DCAF11: variants seen among roughly 807,000 people sequenced by gnomAD.
DCAF11 encodes DDB1 and CUL4 associated factor 11, also known as DDB1- and CUL4-associated factor 11.
In DCAF11, 44 loss-of-function variants were observed where a neutral mutation model predicts 76.1. The observed-to-expected ratio is 0.58, with a 90% CI of 0.45 to 0.74. The LOEUF is 0.74. Ranked by LOEUF, DCAF11 falls within the 30% of genes least tolerant of loss-of-function variation. The pLI, the probability that DCAF11 is intolerant of heterozygous loss-of-function variation, is 0.00. For synonymous variants in DCAF11, 258 were observed against 255.0 expected (o/e 1.01, Z -0.11); for missense variants, 604 against 709.4 (o/e 0.85, Z 1.69).
rs1240198133 is a variant in DCAF11 at position 24,122,996 on chromosome 14, T to C, written c.1425T>C (p.Ile475=). 2 of 1,614,026 alleles carry C rather than the reference T, an allele frequency of 1.2e-6. No homozygotes were observed. Among genetic ancestry groups the C allele is most frequent in the Non-Finnish European group, 1.7e-6 (2 of 1,180,010 alleles). The stretch of plus-strand genomic sequence containing the variant: ...TGTACGACCTTCTAAGTGGCCACAT[T>C]GTGAAGAAGCTGACCAACCACAAGG... ...VVVYDLLSGH[I]VKKLTNHKAC... Residue 475 remains isoleucine, a synonymous_variant, in exon 14 of 15, where the codon ATT becomes ATC. Coordinates refer to ENST00000446197, the MANE Select transcript of DCAF11 (RefSeq NM_025230.5).
At chr14:24,122,329 C>T (rs1413115257) in intron 13 of DCAF11, among the ~76,000 whole-genome samples, 5 of 151,144 alleles carry the variant, frequency 3.3e-5, no homozygotes, top group African/African-American at 1.2e-4. Flanking sequence ...TGGTGGCAGG[C>T]GCTGGTAATC....
chr14:24,118,668 C>T lies in DCAF11; in HGVS notation c.725-82C>T. On this transcript the variant is annotated intron_variant, in intron 7 of 14. Transcript: ENST00000446197. ...CCAAAGTGCTCCAGTACCCTTGTCC[C>T]CTGTTTGATCTCTTCCCTAGCTTCA... 1.9e-6 allele frequency: 3 copies of T among 1,597,790 alleles called. No homozygotes were observed. The Admixed American group carries it at 5.0e-5, about 27-fold the overall frequency.
intron 13 of DCAF11, 82 bp from the exon 14 acceptor site, chr14:24,122,889 C>T: frequency 1.6e-6 from 2 of 1,271,828 alleles, no homozygotes. Flanking sequence ...AGAGGCAGGT[C>T]AGTGGTGCTA....
chr14:24,122,931 C>A, intron 13 of DCAF11, 40 bp from the exon 14 acceptor site: 1 of 1,585,288 alleles, frequency 6.3e-7, no homozygotes, highest in Non-Finnish European at 8.6e-7. Context: ...GTTTAGATGT[C>A]TTGTGGTGGT....
chr14:24,117,082 T>G lies in DCAF11; in HGVS notation c.283+38T>G. ...GCCCCTAATGTTGGAAGACTTTTAC[T>G]AGAAAACCTTTTAGTGATATTTTGA... On this transcript the variant is annotated intron_variant, in intron 3 of 14. Transcript: ENST00000446197. This position sits in a 1 kb window ranked among gnomAD's most constrained non-coding sequence, Gnocchi z 4.3. 1 of 1,613,792 alleles carries G rather than the reference T, an allele frequency of 6.2e-7. No homozygotes were observed. Among genetic ancestry groups the G allele is most frequent in the East Asian group, 2.2e-5 (1 of 44,892 alleles).
intron 13 of DCAF11, chr14:24,121,906 G>A (rs1281817626): frequency 5.4e-6 from 1 of 185,910 alleles, no homozygotes; most frequent in Non-Finnish European, 1.1e-5. Context: ...TGGCTGCAGT[G>A]GCTCATGCCT....
Position 24,122,987 on chromosome 14 carries a change from T to C in DCAF11, c.1416T>C (p.Ser472=), listed in dbSNP as rs34426457. ...TGKVVVYDLL[S]GHIVKKLTNH... ...CCTGGACAGTGTACGACCTTCTAAG[T>C]GGCCACATTGTGAAGAAGCTGACCA... is the stretch of plus-strand genomic sequence containing the variant. The change falls in exon 14 of 15, where the codon AGT becomes AGC. Residue 472 remains serine, a synonymous_variant. Coordinates refer to ENST00000446197, the MANE Select transcript of DCAF11 (RefSeq NM_025230.5). 455 of 1,614,046 alleles carry C rather than the reference T, an allele frequency of 2.8e-4. No homozygotes were observed. The highest frequency in any genetic ancestry group is 3.6e-4 in the Non-Finnish European group (426 of 1,180,008).
intron 2 of DCAF11, 144 bp from the exon 3 acceptor site, chr14:24,116,773 G>T (rs987014429): frequency 8.6e-7 from 1 of 1,163,174 alleles, no homozygotes; most frequent in African/African-American, 1.5e-5. Flanking sequence ...TTTTATAGGA[G>T]ACCAAAAATA....
chr14:24,120,722 A>T, intron 11 of DCAF11, 116 bp from the exon 12 acceptor site: 1 of 1,274,184 alleles, frequency 7.8e-7, no homozygotes, highest in Non-Finnish European at 1.1e-6. Context: ...GGATGAAGAG[A>T]GGCAAGTAAA....
intron 9 of DCAF11, 143 bp from the exon 10 acceptor site, chr14:24,119,416 C>G (rs1186462567): frequency 8.0e-7 from 1 of 1,243,158 alleles, no homozygotes; most frequent in Non-Finnish European, 1.2e-6. Context: ...TGAAACACAG[C>G]TAACTCTTCC....
chr14:24,117,501 C>T lies in DCAF11; in HGVS notation c.411+108C>T, dbSNP rs959060773. The T allele has an allele frequency of 3.8e-6, 6 of 1,558,748 alleles. No individual in the cohort carries two copies. Among genetic ancestry groups the T allele is most frequent in the East Asian group, 4.5e-5 (2 of 44,090 alleles). ...AACTTTCCAAAGTAGAAGCCTCAAG[C>T]GCTGGGGCTGGAGAGTTAACCAGCC... is the stretch of plus-strand genomic sequence containing the variant. On this transcript the variant is annotated intron_variant, in intron 4 of 14. Transcript: ENST00000446197. This position sits in a 1 kb window ranked among gnomAD's most constrained non-coding sequence, Gnocchi z 4.3.
Position 24,123,017 on chromosome 14 carries a change from C to G in DCAF11, c.1446C>G (p.His482Gln). The part of the protein sequence containing the change: ...SGHIVKKLTN[H>Q]KACVRDVSWH... ...ACATTGTGAAGAAGCTGACCAACCA[C>G]AAGGCCTGTGTGCGTGACGTCAGTT... is the stretch of plus-strand genomic sequence containing the variant. Residue 482 changes from histidine to glutamine, a missense_variant, in exon 14 of 15, where the codon CAC becomes CAG. Coordinates refer to ENST00000446197, the MANE Select transcript of DCAF11 (RefSeq NM_025230.5). The G allele has an allele frequency of 6.2e-7, 1 of 1,614,198 alleles. No homozygotes were observed. The highest frequency in any genetic ancestry group is 8.5e-7 in the Non-Finnish European group (1 of 1,180,036).
chr14:24,118,680 C>G lies in DCAF11; in HGVS notation c.725-70C>G. ...AGTACCCTTGTCCCCTGTTTGATCT[C>G]TTCCCTAGCTTCACTTCCACTCTTC... On this transcript the variant is annotated intron_variant, in intron 7 of 14. Coordinates refer to ENST00000446197, the MANE Select transcript of DCAF11 (RefSeq NM_025230.5). 10 of 1,602,128 alleles carry G rather than the reference C, an allele frequency of 6.2e-6. No individual in the cohort carries two copies. In the South Asian group the frequency reaches 1.1e-4, roughly 18 times the overall value.
chr14:24,117,158 C>G lies in DCAF11; in HGVS notation c.284-108C>G. The G allele has an allele frequency of 1.2e-6, 2 of 1,603,422 alleles. No homozygotes were observed. The highest frequency in any genetic ancestry group is 1.7e-6 in the Non-Finnish European group (2 of 1,173,320). The stretch of plus-strand genomic sequence containing the variant: ...ACGATAATTTAAGGAATAAGGAGTC[C>G]TTACAGCCCCAGTATATTCAGCCAC... On this transcript the variant is annotated intron_variant, in intron 3 of 14. Coordinates refer to ENST00000446197, the MANE Select transcript of DCAF11 (RefSeq NM_025230.5). This position sits in a 1 kb window ranked among gnomAD's most constrained non-coding sequence, Gnocchi z 4.3.
rs1352507202 is a variant in DCAF11, at chr14:24,115,181, C to G, written c.-326C>G. ...CTTCTAATTGGTTAGATGAGATAAG[C>G]TAGTGAAGCGCTTTCTTCCGAGAGG... is the stretch of plus-strand genomic sequence containing the variant. On this transcript the variant is annotated 5_prime_UTR_variant, in exon 1 of 15. Transcript: ENST00000446197. The G allele has an allele frequency of 9.0e-6, 2 of 223,268 alleles. No individual in the cohort carries two copies. The highest frequency in any genetic ancestry group is 4.7e-5 in the African/African-American group (2 of 42,788). 13.8% of individuals were successfully genotyped at this position (223,268 alleles called of 1,614,324 possible). A position where few individuals can be genotyped will look rare whatever the true frequency, so the allele number is the denominator to read the frequency against.
At position 24,121,523 on chromosome 14, in the gene DCAF11, G is replaced by C; in HGVS notation, c.1399+6G>C. 5 of 1,614,022 alleles carry C rather than the reference G, an allele frequency of 3.1e-6. No homozygotes were observed. Among genetic ancestry groups the C allele is most frequent in the Non-Finnish European group, 4.2e-6 (5 of 1,179,928 alleles). Reference sequence around the variant, plus strand: ...CTCCACTGGCAAAGTGGTTGGTAAGGATTGTGTCAGAACAGGGGGCCTCAG... The same window carrying C: ...CTCCACTGGCAAAGTGGTTGGTAAGCATTGTGTCAGAACAGGGGGCCTCAG... On this transcript the variant is annotated splice_donor_region_variant and intron_variant, in intron 13 of 14. Coordinates refer to ENST00000446197, the MANE Select transcript of DCAF11 (RefSeq NM_025230.5).
intron 2 of DCAF11, 143 bp from the exon 3 acceptor site, chr14:24,116,774 A>G (rs758911566): frequency 1.3e-5 from 15 of 1,173,348 alleles, no homozygotes; most frequent in Non-Finnish European, 1.8e-5. Flanking sequence ...TTTATAGGAG[A>G]CCAAAAATAA....
intron 8 of DCAF11, 96 bp from the exon 9 acceptor site, chr14:24,119,049 T>G (rs2037639119): frequency 1.3e-6 from 2 of 1,510,684 alleles, no homozygotes; most frequent in East Asian, 2.3e-5. Flanking sequence ...ACTTCTTTTT[T>G]CCCCTGGGGA....
At chr14:24,120,474 G>A (rs997335734) in intron 11 of DCAF11, among the ~76,000 whole-genome samples, 4 of 151,940 alleles carry the variant, frequency 2.6e-5, no homozygotes, top group African/African-American at 4.8e-5. Flanking sequence ...GGAGAATGGC[G>A]TGAACCCGGG....
Sources: allele counts gnomAD v4.1 joint callset (sites outside exome capture counted in the v4.1 genomes callset), GRCh38; gene constraint gnomAD v4.1.1; non-coding constraint Gnocchi (gnomAD v3.1); transcripts MANE v1.5; gene names NCBI Gene and HGNC (gene_info 2026-07-23, HGNC 2026-07-21).